COL23A1: variants seen among roughly 807,000 people sequenced by gnomAD.
The protein encoded by COL23A1 is collagen type XXIII alpha 1 chain.
COL23A1 carries 97 observed loss-of-function variants against 99.3 expected under a neutral mutation model. That is an observed-to-expected ratio of 0.98 (90% CI 0.83 to 1.16). The LOEUF (loss-of-function observed/expected upper bound fraction) is 1.16, where lower values mean the gene tolerates loss of function less well. Ranked by LOEUF, COL23A1 falls within the 50% of genes most tolerant of loss-of-function variation. COL23A1 has a pLI of 0.00. For missense variants in COL23A1, 762 were observed against 757.4 expected, an observed-to-expected ratio of 1.01 and a Z score of -0.07; for synonymous variants, 320 against 308.2, an observed-to-expected ratio of 1.04 and a Z score of -0.40.
At chr5:178,243,820 G>A (rs1254171282) in intron 25 of COL23A1, among the ~76,000 whole-genome samples, 2 of 152,198 alleles carry the variant, frequency 1.3e-5, no homozygotes, top group East Asian at 1.9e-4. Flanking sequence ...CACATTCATG[G>A]TGGCATGGAG....
intron 2 of COL23A1, among the ~76,000 whole-genome samples, chr5:178,505,426 A>AT (rs958750966): frequency 5.3e-5 from 8 of 151,780 alleles, no homozygotes; most frequent in Non-Finnish European, 8.8e-5. Flanking sequence ...ATTTCTTTAT[A>AT]TTTTTTGGTA....
At chr5:178,414,885 C>T (rs1110326) in intron 2 of COL23A1, among the ~76,000 whole-genome samples, 17,388 of 152,050 alleles carry the variant, frequency 0.11, 1,540 homozygotes, top group East Asian at 0.41. Context: ...GCAAGACCAT[C>T]GAGCCCACCT....
At chr5:178,512,979 C>G (rs1197405115) in intron 2 of COL23A1, among the ~76,000 whole-genome samples, 1 of 152,184 alleles carries the variant, frequency 6.6e-6, no homozygotes. Context: ...GCCCACCACT[C>G]CACACTCACA....
rs1756880266 is a variant in COL23A1, at chr5:178,281,205, CA to C, written c.441+7118del. On this transcript the variant is annotated intron_variant, in intron 5 of 28. Transcript: ENST00000390654. This position sits in a 1 kb window ranked among gnomAD's most constrained non-coding sequence, Gnocchi z 4.0. Reference sequence around the variant, plus strand: ...GATGGAGGATGTTGAAATCTAAAAACAGATGAATTTGGGATATTTCAGATAA... The same window carrying C: ...GATGGAGGATGTTGAAATCTAAAAACGATGAATTTGGGATATTTCAGATAA... Among the ~76,000 whole-genome samples, 1 of 152,202 alleles carries C rather than the reference CA, an allele frequency of 6.6e-6. No individual in the cohort carries two copies. Among genetic ancestry groups the C allele is most frequent in the African/African-American group, 2.4e-5 (1 of 41,442 alleles).
chr5:178,494,505 T>A (rs1190168556), intron 2 of COL23A1, among the ~76,000 whole-genome samples: 1 of 152,176 alleles, frequency 6.6e-6, no homozygotes, highest in Non-Finnish European at 1.5e-5. Context: ...GGTGAAACCC[T>A]GTCTTTACTA....
intron 3 of COL23A1, among the ~76,000 whole-genome samples, chr5:178,294,881 C>T (rs746201146): frequency 6.6e-6 from 1 of 152,196 alleles, no homozygotes; most frequent in African/African-American, 2.4e-5. Flanking sequence ...GTGGCTCACG[C>T]CTATAATCCC....
At chr5:178,453,733 G>C (rs1164007290) in intron 2 of COL23A1, among the ~76,000 whole-genome samples, 3 of 152,106 alleles carry the variant, frequency 2.0e-5, no homozygotes, top group Non-Finnish European at 2.9e-5. Flanking sequence ...CCATTCCACA[G>C]ACAGGTGAAA....
intron 2 of COL23A1, among the ~76,000 whole-genome samples, chr5:178,400,640 A>G (rs1221931134): frequency 6.9e-6 from 1 of 145,264 alleles, no homozygotes; most frequent in Admixed American, 7.3e-5. Flanking sequence ...ACCACCATCC[A>G]TCTCCAGAAC....
At chr5:178,277,160 G>GT (rs563685444) in intron 5 of COL23A1, among the ~76,000 whole-genome samples, 167 of 151,496 alleles carry the variant, frequency 1.1e-3, no homozygotes, top group African/African-American at 3.9e-3. Flanking sequence ...TGGCTCAGGA[G>GT]TTTAAGACCA....
In COL23A1 at chr5:178,478,461, G is replaced by C. The variant is rs575587909; in HGVS notation, c.361+82221C>G. Reference sequence around the variant, plus strand: ...CTACATGTCACTTCTTCATTGCCCAGATTCTGCATATTTTCCTAGCTCTGT... The same window carrying C: ...CTACATGTCACTTCTTCATTGCCCACATTCTGCATATTTTCCTAGCTCTGT... On this transcript the variant is annotated intron_variant, in intron 2 of 28. Transcript: ENST00000390654. 5.9e-5 allele frequency among the ~76,000 whole-genome samples: 9 copies of C among 152,324 alleles called. No individual in the cohort carries two copies. In the South Asian group the frequency reaches 1.2e-3, roughly 21 times the overall value.
At chr5:178,571,185 C>A (rs1763075755) in intron 1 of COL23A1, among the ~76,000 whole-genome samples, 1 of 152,046 alleles carries the variant, frequency 6.6e-6, no homozygotes, top group African/African-American at 2.4e-5. Context: ...AACATGATGA[C>A]ACCCAGTGTC....
Position 178,239,074 on chromosome 5 carries a change from GC to G in COL23A1, c.1620+66del. On this transcript the variant is annotated intron_variant, in intron 28 of 28. Coordinates refer to ENST00000390654, the MANE Select transcript of COL23A1 (RefSeq NM_173465.4). Reference sequence around the variant, plus strand: ...TGAGTGACAGCACCCAGGCTCTGGGGCCCTCCCATTCCCCCACCCTCCCCTG... The same window carrying G: ...TGAGTGACAGCACCCAGGCTCTGGGGCCTCCCATTCCCCCACCCTCCCCTG... The G allele has an allele frequency of 3.2e-6, 5 of 1,555,380 alleles. No homozygotes were observed. In the South Asian group the frequency reaches 5.6e-5, roughly 17 times the overall value.
At chr5:178,349,266 G>A (rs543841506) in intron 2 of COL23A1, among the ~76,000 whole-genome samples, 1 of 152,302 alleles carries the variant, frequency 6.6e-6, no homozygotes, top group African/African-American at 2.4e-5. Flanking sequence ...AGGCAGCTGG[G>A]TGAGGGGAAC....
rs1756572097 is a variant in COL23A1 at position 178,468,724 on chromosome 5, C to CT, written c.361+91957dup. Among the ~76,000 whole-genome samples the CT allele has an allele frequency of 6.6e-6, 1 of 152,188 alleles. No individual in the cohort carries two copies. The highest frequency in any genetic ancestry group is 6.5e-5 in the Admixed American group (1 of 15,282). On this transcript the variant is annotated intron_variant, in intron 2 of 28. Coordinates refer to ENST00000390654, the MANE Select transcript of COL23A1 (RefSeq NM_173465.4). The surrounding 1 kb of genome is among the most constrained non-coding windows in gnomAD (Gnocchi z 4.2). ...CCACATTTAATTTATAAATTCCCAACTTTTCAAATTAAAAAAAGTATTGTG... is the reference window on the plus strand; with the variant it reads ...CCACATTTAATTTATAAATTCCCAACTTTTTCAAATTAAAAAAAGTATTGTG...
At chr5:178,346,701 AG>A (rs1185501675) in intron 2 of COL23A1, among the ~76,000 whole-genome samples, 3 of 152,176 alleles carry the variant, frequency 2.0e-5, no homozygotes, top group African/African-American at 7.2e-5. Flanking sequence ...AAATCACACA[AG>A]GGCCCTTTTC....
chr5:178,581,490 C>T (rs534770399), intron 1 of COL23A1, among the ~76,000 whole-genome samples: 3 of 151,406 alleles, frequency 2.0e-5, no homozygotes, highest in East Asian at 2.0e-4. Flanking sequence ...CGCTTGAACC[C>T]GGGAGACAGA....
At chr5:178,244,892 T>C (rs899162843) in intron 25 of COL23A1, among the ~76,000 whole-genome samples, 2 of 152,230 alleles carry the variant, frequency 1.3e-5, no homozygotes, top group African/African-American at 4.8e-5. Flanking sequence ...AACAGGCTCC[T>C]CACTGCTCTC....
At chr5:178,426,085 A>T (rs1765919605) in intron 2 of COL23A1, among the ~76,000 whole-genome samples, 6 of 152,180 alleles carry the variant, frequency 3.9e-5, no homozygotes, top group Admixed American at 3.9e-4. Flanking sequence ...GTCTTTGTAG[A>T]AGTCTCCGTT....
At chr5:178,518,668 C>G (rs1315724186) in intron 2 of COL23A1, among the ~76,000 whole-genome samples, 16 of 118,344 alleles carry the variant, frequency 1.4e-4, no homozygotes, top group African/African-American at 2.7e-4. Context: ...GGATGGCGGC[C>G]GGGCGGAGAC....
Sources: gnomAD v4.1 joint callset for allele counts (sites outside exome capture counted in the v4.1 genomes callset) on GRCh38, gnomAD v4.1.1 for gene constraint, Gnocchi (gnomAD v3.1) non-coding constraint, MANE v1.5 for transcripts, NCBI Gene and HGNC (gene_info 2026-07-23, HGNC 2026-07-21) for gene names.